The following LSAMP variants were observed in gnomAD, a reference collection of about 807,000 sequenced individuals.
The protein encoded by LSAMP is limbic system associated membrane protein.
In LSAMP, 7 loss-of-function variants were observed where a neutral mutation model predicts 38.6. The ratio of observed to expected loss-of-function variants is 0.18; its 90% CI spans 0.10 to 0.34. The LOEUF is 0.34. Among genes scored for constraint, LSAMP ranks in the 10% least tolerant of loss-of-function variants. The probability of loss-of-function intolerance (pLI) is 1.00; values close to 1 mark genes in which losing one functional copy is unlikely to be tolerated. For synonymous variants in LSAMP, 154 were observed against 166.8 expected (o/e 0.92, Z 0.59); for missense variants, 313 against 420.0 (o/e 0.75, Z 2.23).
intron 3 of LSAMP, among the ~76,000 whole-genome samples, chr3:115,902,941 C>T (rs951290540): frequency 3.9e-5 from 6 of 152,060 alleles, no homozygotes; most frequent in Non-Finnish European, 7.4e-5. Flanking sequence ...GTGGCAATTC[C>T]TCAAAGAGCT....
At chr3:116,381,854 A>G (rs1406270614) in intron 1 of LSAMP, among the ~76,000 whole-genome samples, 1 of 152,102 alleles carries the variant, frequency 6.6e-6, no homozygotes, top group East Asian at 1.9e-4. Flanking sequence ...CAGTTGGCCT[A>G]AGTGTCTTAG....
intron 1 of LSAMP, among the ~76,000 whole-genome samples, chr3:116,433,138 A>G (rs1212791753): frequency 6.6e-6 from 1 of 152,212 alleles, no homozygotes; most frequent in African/African-American, 2.4e-5. Context: ...CAAAACAATC[A>G]GAAGTCAGGA....
rs2046712207 is a variant in LSAMP at position 116,253,532 on chromosome 3, C to G, written c.156-166976G>C. ...GCAACCCAAAATAAGACTACAGAGG[C>G]AACAGAAAAGAGCACTACATAATGT... On this transcript the variant is annotated intron_variant, in intron 1 of 6. Coordinates refer to ENST00000490035, the MANE Select transcript of LSAMP (RefSeq NM_002338.5). Among the ~76,000 whole-genome samples, 5 of 152,138 alleles carry G rather than the reference C, an allele frequency of 3.3e-5. 1 individual carries two copies. Among genetic ancestry groups the G allele is most frequent in the Admixed American group, 3.3e-4 (5 of 15,266 alleles).
rs149862195 is a variant in LSAMP, at chr3:116,338,159, G to A, written c.155+106718C>T. On this transcript the variant is annotated intron_variant, in intron 1 of 6. Coordinates refer to ENST00000490035, the MANE Select transcript of LSAMP (RefSeq NM_002338.5). ...TTTGTGGAAAGGATTCTCTTTCATCGTCACCTTTTATCCTCCTCTAGACAT... is the reference window on the plus strand; with the variant it reads ...TTTGTGGAAAGGATTCTCTTTCATCATCACCTTTTATCCTCCTCTAGACAT... 2.4e-3 allele frequency among the ~76,000 whole-genome samples: 364 copies of A among 151,968 alleles called. 1 individual carries two copies. The highest frequency in any genetic ancestry group is 8.0e-3 in the African/African-American group (331 of 41,486).
intron 6 of LSAMP, among the ~76,000 whole-genome samples, chr3:115,834,231 G>C (rs998133065): frequency 6.6e-6 from 1 of 152,052 alleles, no homozygotes; most frequent in African/African-American, 2.4e-5. Context: ...TTTGTGGCTA[G>C]AGAATTTAAC....
chr3:116,087,895 ATTT>A (rs113096762), intron 1 of LSAMP, among the ~76,000 whole-genome samples: 2 of 139,612 alleles, frequency 1.4e-5, no homozygotes, highest in Admixed American at 7.3e-5. Context: ...TTAGAGGGAG[ATTT>A]TTTTTTTTTT....
intron 1 of LSAMP, among the ~76,000 whole-genome samples, chr3:116,097,818 C>T (rs1708257729): frequency 6.6e-6 from 1 of 151,974 alleles, no homozygotes; most frequent in Non-Finnish European, 1.5e-5. Context: ...CCACTGCAAC[C>T]TCGGCCTCCT....
chr3:116,169,284 G>A (rs760083286), intron 1 of LSAMP, among the ~76,000 whole-genome samples: 1 of 152,118 alleles, frequency 6.6e-6, no homozygotes, highest in Non-Finnish European at 1.5e-5. Flanking sequence ...AAAAAGCAAG[G>A]AACACCAAAA....
intron 1 of LSAMP, among the ~76,000 whole-genome samples, chr3:116,173,975 C>G (rs1356737499): frequency 1.3e-5 from 2 of 151,892 alleles, no homozygotes; most frequent in Non-Finnish European, 2.9e-5. Context: ...CATTCCTATA[C>G]TTTTCAACTC....
chr3:116,070,578 T>TA (rs1707576493), intron 2 of LSAMP, among the ~76,000 whole-genome samples: 3 of 152,338 alleles, frequency 2.0e-5, no homozygotes, highest in African/African-American at 7.2e-5. Flanking sequence ...TGTTCTTTTT[T>TA]AAAATTTAAA....
At chr3:116,157,986 A>G (rs1709793601) in intron 1 of LSAMP, among the ~76,000 whole-genome samples, 3 of 152,200 alleles carry the variant, frequency 2.0e-5, no homozygotes, top group African/African-American at 7.2e-5. Context: ...ATCTAGCAGC[A>G]CATCAAAAGA....
At chr3:116,266,155 CTCCCTTTCT>C (rs1357301204) in intron 1 of LSAMP, among the ~76,000 whole-genome samples, 3 of 152,150 alleles carry the variant, frequency 2.0e-5, no homozygotes, top group Non-Finnish European at 4.4e-5. Flanking sequence ...CACCTCTTCC[CTCCCTTTCT>C]TCCCCACACA....
At chr3:116,426,358 C>T (rs931041140) in intron 1 of LSAMP, among the ~76,000 whole-genome samples, 2 of 149,690 alleles carry the variant, frequency 1.3e-5, no homozygotes, top group African/African-American at 4.9e-5. Context: ...CTACTTGGGA[C>T]GATGAGACAG....
At chr3:116,257,594 G>A (rs2046768346) in intron 1 of LSAMP, among the ~76,000 whole-genome samples, 1 of 151,882 alleles carries the variant, frequency 6.6e-6, no homozygotes, top group Non-Finnish European at 1.5e-5. Context: ...AATATTTGCT[G>A]CTAATGATAA....
chr3:115,842,251 C>T (rs111795031), intron 5 of LSAMP, among the ~76,000 whole-genome samples: 7,886 of 152,210 alleles, frequency 0.052, 238 homozygotes, highest in African/African-American at 0.075. Context: ...CCCATTGAAC[C>T]GTTTTTATAT....
chr3:115,979,515 C>T (rs72957762), intron 3 of LSAMP, among the ~76,000 whole-genome samples: 6,386 of 152,050 alleles, frequency 0.042, 426 homozygotes, highest in African/African-American at 0.14. Context: ...GAAAGCATGG[C>T]TTTGAAGGTT....
intron 1 of LSAMP, among the ~76,000 whole-genome samples, chr3:116,350,898 T>C (rs2048129756): frequency 6.6e-6 from 1 of 152,122 alleles, no homozygotes; most frequent in South Asian, 2.1e-4. Flanking sequence ...CCACAGTGCA[T>C]GATAAGTGCT....
chr3:115,856,289 A>C (rs1935504170), intron 3 of LSAMP, among the ~76,000 whole-genome samples: 1 of 152,150 alleles, frequency 6.6e-6, no homozygotes, highest in African/African-American at 2.4e-5. Context: ...GGTCATGAAG[A>C]TGGAGCCTTC....
At chr3:116,075,488 T>C (rs1707719858) in intron 2 of LSAMP, among the ~76,000 whole-genome samples, 1 of 152,046 alleles carries the variant, frequency 6.6e-6, no homozygotes, top group African/African-American at 2.4e-5. Flanking sequence ...TCTATTCATA[T>C]GCCAATGGCA....
Sources: gnomAD v4.1 joint callset for allele counts (sites outside exome capture counted in the v4.1 genomes callset) on GRCh38, gnomAD v4.1.1 for gene constraint, MANE v1.5 for transcripts, NCBI Gene and HGNC (gene_info 2026-07-23, HGNC 2026-07-21) for gene names.